Variants in MYO18B observed in about 807,000 individuals in gnomAD.
MYO18B encodes the protein unconventional myosin-XVIIIb.
In MYO18B, 204 loss-of-function variants were observed where a neutral mutation model predicts 273.0. The ratio of observed to expected loss-of-function variants is 0.75; its 90% CI spans 0.67 to 0.84. The LOEUF is 0.84. Ranked by LOEUF, MYO18B falls within the 40% of genes least tolerant of loss-of-function variation. The probability of loss-of-function intolerance (pLI) is 0.00; values close to 1 mark genes in which losing one functional copy is unlikely to be tolerated. For synonymous variants in MYO18B, 1,330 were observed against 1,305.7 expected (o/e 1.02, Z -0.40); for missense variants, 3,212 against 3,287.6 (o/e 0.98, Z 0.56).
intron 34 of MYO18B, among the ~76,000 whole-genome samples, chr22:25,942,465 T>C (rs543101914): frequency 6.6e-6 from 1 of 152,310 alleles, no homozygotes; most frequent in South Asian, 2.1e-4. Flanking sequence ...AGCTCTCTCT[T>C]TATTTTGATC....
intron 42 of MYO18B, among the ~76,000 whole-genome samples, chr22:26,005,622 A>G (rs912821357): frequency 1.3e-5 from 2 of 152,178 alleles, no homozygotes; most frequent in Admixed American, 1.3e-4. Context: ...GTTAATGGCC[A>G]TAAGTCAGAA....
Position 25,785,431 on chromosome 22 carries a change from G to A in MYO18B, c.2316G>A (p.Thr772=), listed in dbSNP as rs377148484. 1.4e-5 allele frequency: 23 copies of A among 1,608,290 alleles called. No homozygotes were observed. The highest frequency in any genetic ancestry group is 8.9e-5 in the East Asian group (4 of 44,704). ...CTGGTTCCTTCTGTGCTTCCAGGAC[G>A]GAGCTGAACCTGCACCAGATGGCAG... ...MLAGLDLDLR[T]ELNLHQMADS... Residue 772 remains threonine (T), a synonymous_variant, in exon 11 of 44, where the codon ACG becomes ACA. Transcript: ENST00000335473.
intron 25 of MYO18B, among the ~76,000 whole-genome samples, chr22:25,886,809 G>T (rs1017563682): frequency 2.0e-4 from 30 of 152,224 alleles, no homozygotes; most frequent in Non-Finnish European, 1.3e-4. Flanking sequence ...AGCCCAAGCT[G>T]GGCTACCTCT....
At chr22:25,928,081 C>T (rs898886029) in intron 34 of MYO18B, among the ~76,000 whole-genome samples, 18 of 152,058 alleles carry the variant, frequency 1.2e-4, no homozygotes, top group African/African-American at 2.4e-4. Context: ...ATATTCAGTT[C>T]GGCATGGTAT....
intron 31 of MYO18B, among the ~76,000 whole-genome samples, chr22:25,904,967 G>A (rs893988706): frequency 1.3e-5 from 2 of 152,022 alleles, no homozygotes; most frequent in African/African-American, 4.8e-5. Context: ...AAATTTCTAG[G>A]GGAAGTAAGA....
chr22:25,781,746 G>T lies in MYO18B; in HGVS notation c.2224G>T (p.Glu742Ter). The change falls in exon 10 of 44, where the codon GAG becomes TAG. Residue 742 changes from glutamate to a stop codon, truncating the protein, a stop_gained. Transcript: ENST00000335473. LOFTEE classifies it high-confidence loss of function. ...TCTCTCCCTGCAGACAATGCTTTTG[G>T]AGAAGAGCCGCGTGGCACGGCAGCC... Reference protein sequence around the residue: ...TAAQLQTMLLEKSRVARQPEG... With the variant: ...TAAQLQTMLL The T allele has an allele frequency of 6.4e-7, 1 of 1,569,718 alleles. No homozygotes were observed. Among genetic ancestry groups the T allele is most frequent in the Non-Finnish European group, 8.6e-7 (1 of 1,159,464 alleles).
chr22:25,957,393 G>A (rs1390242017), intron 39 of MYO18B, among the ~76,000 whole-genome samples: 1 of 152,122 alleles, frequency 6.6e-6, no homozygotes, highest in African/African-American at 2.4e-5. Flanking sequence ...GAATCAAAAT[G>A]GACACAACAC....
chr22:25,907,656 C>T (rs2092071603), intron 31 of MYO18B, among the ~76,000 whole-genome samples: 1 of 152,174 alleles, frequency 6.6e-6, no homozygotes, highest in Admixed American at 6.5e-5. Flanking sequence ...CACTTTTGTC[C>T]TACCATTCAT....
chr22:25,777,865 C>T lies in MYO18B; in HGVS notation c.2068+84C>T, dbSNP rs537205104. 13 of 1,342,898 alleles carry T rather than the reference C, an allele frequency of 9.7e-6. No homozygotes were observed. In the South Asian group the frequency reaches 1.6e-4, roughly 17 times the overall value. The allele number at this position is 1,342,898 out of a possible 1,614,324, so 83.2% of individuals were successfully genotyped here. ...GGATGCTGAGCTGCTTTCTTATATT[C>T]ATTCAGCTAGCATTCACTGAGCACC... is the stretch of plus-strand genomic sequence containing the variant. On this transcript the variant is annotated intron_variant, in intron 8 of 43. Transcript: ENST00000335473.
intron 30 of MYO18B, 74 bp from the exon 31 acceptor site, chr22:25,903,557 T>G (rs1162823197): frequency 2.1e-6 from 3 of 1,449,124 alleles, no homozygotes; most frequent in East Asian, 2.5e-5. Context: ...CCCAGTTGGT[T>G]GTAGAGGTAT....
chr22:26,029,902 G>A (rs1451498052), intron 43 of MYO18B, among the ~76,000 whole-genome samples: 11 of 152,184 alleles, frequency 7.2e-5, no homozygotes, highest in African/African-American at 2.7e-4. Flanking sequence ...CCCCATGGAT[G>A]CAGTAAATGC....
rs145807665 is a variant in MYO18B, at chr22:25,826,302, G to C, written c.2696-107G>C. On this transcript the variant is annotated intron_variant, in intron 13 of 43. Transcript: ENST00000335473. ...TTTTAGCAGTGGAGGGATGTGGCAA[G>C]AAAAGAAGGATTTTCTAAATTGAGT... is the stretch of plus-strand genomic sequence containing the variant. 3.5e-4 allele frequency: 270 copies of C among 778,566 alleles called. 2 individuals carry two copies. The East Asian group carries it at 7.0e-3, about 20-fold the overall frequency. The allele number at this position is 778,566 out of a possible 1,614,324, so 48.2% of individuals were successfully genotyped here. A position where few individuals can be genotyped will look rare whatever the true frequency, so the allele number is the denominator to read the frequency against.
intron 8 of MYO18B, 125 bp from the exon 9 acceptor site, chr22:25,779,931 C>G: frequency 3.9e-6 from 5 of 1,269,766 alleles, no homozygotes; most frequent in Non-Finnish European, 5.3e-6. Flanking sequence ...AGGAAGCCCA[C>G]CGGGGGCTGA....
chr22:26,041,901 T>C, the MYO18B span, among the ~76,000 whole-genome samples: 2 of 152,146 alleles, frequency 1.3e-5, no homozygotes, highest in Admixed American at 1.3e-4. Flanking sequence ...CTCCCCTGGG[T>C]AAGGCAAGAG....
At chr22:25,831,801 G>A (rs193163160) in intron 15 of MYO18B, among the ~76,000 whole-genome samples, 6 of 152,296 alleles carry the variant, frequency 3.9e-5, no homozygotes, top group Admixed American at 3.3e-4. Context: ...AGTTTGGACC[G>A]AGTTATCAGT....
chr22:25,915,870 G>A (rs904382561), intron 33 of MYO18B, among the ~76,000 whole-genome samples: 19 of 152,120 alleles, frequency 1.2e-4, no homozygotes, highest in African/African-American at 4.6e-4. Flanking sequence ...CTCTTAGACT[G>A]TCTTTGTCAA....
chr22:25,767,234 G>A (rs2086537080), intron 3 of MYO18B, among the ~76,000 whole-genome samples: 1 of 152,206 alleles, frequency 6.6e-6, no homozygotes, highest in African/African-American at 2.4e-5. Flanking sequence ...CTCTGCACAA[G>A]GCTAAAATCA....
chr22:25,903,906 T>C (rs2146349843), intron 31 of MYO18B, 75 bp downstream of exon 31: 2 of 1,476,666 alleles, frequency 1.4e-6, no homozygotes, highest in South Asian at 1.3e-5. Flanking sequence ...AAATACAATG[T>C]GGGTGCCTCA....
chr22:25,880,390 C>T (rs912313034), intron 25 of MYO18B, among the ~76,000 whole-genome samples: 1 of 151,938 alleles, frequency 6.6e-6, no homozygotes, highest in African/African-American at 2.4e-5. Context: ...TTTTCTTTAT[C>T]GTGGATTTTT....
Sources: allele counts gnomAD v4.1 joint callset (sites outside exome capture counted in the v4.1 genomes callset), GRCh38; gene constraint gnomAD v4.1.1; transcripts MANE v1.5; gene names NCBI Gene and HGNC (gene_info 2026-07-23, HGNC 2026-07-21).